Variants in EIF4E observed in about 807,000 individuals in gnomAD.
EIF4E encodes the protein eIF-4F 25 kDa subunit.
For synonymous variants in EIF4E, 71 were observed against 88.5 expected (o/e 0.80, Z 1.11); for missense variants, 113 against 265.6 (o/e 0.43, Z 3.99).
At chr4:98,896,623 C>G (rs1273720339) in intron 2 of EIF4E, among the ~76,000 whole-genome samples, 1 of 137,140 alleles carries the variant, frequency 7.3e-6, no homozygotes, top group Non-Finnish European at 1.5e-5. Flanking sequence ...ATTATCATGC[C>G]ACTGCTCCCC....
intron 2 of EIF4E, among the ~76,000 whole-genome samples, chr4:98,894,307 T>C (rs1259134826): frequency 6.6e-6 from 1 of 152,244 alleles, no homozygotes; most frequent in Non-Finnish European, 1.5e-5. Flanking sequence ...CTTTGTAGCT[T>C]TGAAGCTAGG....
At chr4:98,889,477 A>C (rs1401555942) in intron 3 of EIF4E, among the ~76,000 whole-genome samples, 1 of 152,234 alleles carries the variant, frequency 6.6e-6, no homozygotes, top group Non-Finnish European at 1.5e-5. Flanking sequence ...CTCTCAAGTA[A>C]GTCCATCATG....
At chr4:98,928,985 G>A in intron 1 of EIF4E, 110 bp downstream of exon 1, 2 of 1,572,738 alleles carry the variant, frequency 1.3e-6, no homozygotes, top group Non-Finnish European at 8.6e-7. Flanking sequence ...AGGGGAAGGG[G>A]CGGCAAGGGG....
chr4:98,903,676 C>T (rs139757037), intron 1 of EIF4E, among the ~76,000 whole-genome samples: 6 of 152,196 alleles, frequency 3.9e-5, no homozygotes, highest in African/African-American at 7.2e-5. Context: ...TCACCCAGAA[C>T]GGAGACCATG....
At chr4:98,888,506 AAAAT>A (rs147316923) in intron 3 of EIF4E, among the ~76,000 whole-genome samples, 3,418 of 152,266 alleles carry the variant, frequency 0.022, 65 homozygotes, top group Non-Finnish European at 0.034. Context: ...TGATTTTAGA[AAAAT>A]AAATAAATAA....
chr4:98,912,474 G>A (rs1725194343), intron 1 of EIF4E, among the ~76,000 whole-genome samples: 1 of 151,642 alleles, frequency 6.6e-6, no homozygotes, highest in African/African-American at 2.4e-5. Flanking sequence ...TACGAAGGAG[G>A]CTGAGGCAGG....
intron 1 of EIF4E, among the ~76,000 whole-genome samples, chr4:98,928,040 G>GA (rs1256164663): frequency 1.3e-5 from 2 of 150,700 alleles, no homozygotes; most frequent in Non-Finnish European, 3.0e-5. Flanking sequence ...TAGATAAAGA[G>GA]AAAAAAAAAG....
At chr4:98,889,781 T>C (rs920899945) in intron 3 of EIF4E, among the ~76,000 whole-genome samples, 8 of 152,098 alleles carry the variant, frequency 5.3e-5, no homozygotes, top group Non-Finnish European at 1.2e-4. Flanking sequence ...GCAAATCTGA[T>C]TGGGGAAGGT....
At chr4:98,928,017 A>C (rs1014510057) in intron 1 of EIF4E, among the ~76,000 whole-genome samples, 1 of 152,228 alleles carries the variant, frequency 6.6e-6, no homozygotes, top group Non-Finnish European at 1.5e-5. Flanking sequence ...AATTGAAATG[A>C]AAGTCTGTAG....
intron 2 of EIF4E, among the ~76,000 whole-genome samples, chr4:98,896,305 G>A (rs981375559): frequency 4.0e-5 from 6 of 151,882 alleles, no homozygotes; most frequent in African/African-American, 4.8e-5. Flanking sequence ...CAAAGAGTTC[G>A]AGGTTGCAGT....
chr4:98,928,580 C>T (rs1262119587), intron 1 of EIF4E, among the ~76,000 whole-genome samples: 2 of 151,954 alleles, frequency 1.3e-5, no homozygotes, highest in Non-Finnish European at 2.9e-5. Flanking sequence ...CCCACCAGCT[C>T]CCCAGTCCAC....
chr4:98,892,803 T>G (rs1201693877), intron 2 of EIF4E, among the ~76,000 whole-genome samples: 2 of 152,202 alleles, frequency 1.3e-5, no homozygotes, highest in Non-Finnish European at 2.9e-5. Flanking sequence ...GATTCTATAT[T>G]TAATCAAATA....
intron 3 of EIF4E, chr4:98,890,731 A>G (rs1280277066): frequency 6.4e-6 from 1 of 155,116 alleles, no homozygotes; most frequent in Non-Finnish European, 1.4e-5. Flanking sequence ...ATTCTTCTTG[A>G]GGTTGATCAA....
intron 1 of EIF4E, among the ~76,000 whole-genome samples, chr4:98,903,047 A>C (rs966166002): frequency 3.9e-5 from 6 of 152,212 alleles, no homozygotes; most frequent in Admixed American, 1.3e-4. Flanking sequence ...GACAAAATTA[A>C]CACTGTCATC....
intron 1 of EIF4E, among the ~76,000 whole-genome samples, chr4:98,911,959 T>C (rs1218862505): frequency 3.3e-5 from 5 of 151,258 alleles, no homozygotes; most frequent in African/African-American, 1.2e-4. Flanking sequence ...TTAAAATAAC[T>C]AGAAAAATTT....
chr4:98,923,611 C>T lies in EIF4E; in HGVS notation c.18+5484G>A, dbSNP rs76740936. Among the ~76,000 whole-genome samples the T allele has an allele frequency of 7.1e-3, 1,087 of 152,260 alleles. 8 individuals are homozygous for T. The highest frequency in any genetic ancestry group is 0.025 in the African/African-American group (1,047 of 41,560). On this transcript the variant is annotated intron_variant, in intron 1 of 6. Coordinates refer to ENST00000450253, the MANE Select transcript of EIF4E (RefSeq NM_001968.5). ...CATGTGTGGGCCACCAAGCCCAGCC[C>T]CTTTCTTTTTCTGGAGACATGATTA... is the stretch of plus-strand genomic sequence containing the variant.
At chr4:98,898,907 T>C (rs1438525333) in intron 2 of EIF4E, among the ~76,000 whole-genome samples, 1 of 151,872 alleles carries the variant, frequency 6.6e-6, no homozygotes, top group Non-Finnish European at 1.5e-5. Flanking sequence ...TAAAATATCA[T>C]ACATCCACGC....
chr4:98,881,846 G>A (rs1328663473), intron 6 of EIF4E, among the ~76,000 whole-genome samples: 1 of 152,146 alleles, frequency 6.6e-6, no homozygotes, highest in African/African-American at 2.4e-5. Flanking sequence ...CTTGTCATGA[G>A]TGCCAAAGAG....
At chr4:98,898,015 TA>T (rs927662171) in intron 2 of EIF4E, among the ~76,000 whole-genome samples, 4 of 152,060 alleles carry the variant, frequency 2.6e-5, no homozygotes, top group Admixed American at 2.6e-4. Flanking sequence ...GATTTTAATG[TA>T]ACAAAGTAGA....
Sources: gnomAD v4.1 joint callset for allele counts (sites outside exome capture counted in the v4.1 genomes callset) on GRCh38, gnomAD v4.1.1 for gene constraint, MANE v1.5 for transcripts, NCBI Gene and HGNC (gene_info 2026-07-23, HGNC 2026-07-21) for gene names.